The following MKLN1 variants were observed in gnomAD, a reference collection of about 807,000 sequenced individuals.
The protein encoded by MKLN1 is muskelin.
A neutral mutation model predicts 99.0 loss-of-function variants in MKLN1; 18 were observed. The ratio of observed to expected loss-of-function variants is 0.18; its 90% CI spans 0.13 to 0.27. The LOEUF (loss-of-function observed/expected upper bound fraction) is 0.27, where lower values mean the gene tolerates loss of function less well. Ranked by LOEUF, MKLN1 falls within the 10% of genes least tolerant of loss-of-function variation. MKLN1 has a pLI of 1.00. For synonymous variants in MKLN1, 288 were observed against 293.2 expected (o/e 0.98, Z 0.18); for missense variants, 621 against 875.9 (o/e 0.71, Z 3.67).
At chr7:131,361,917 A>C (rs1037024602) in intron 1 of MKLN1, among the ~76,000 whole-genome samples, 2 of 151,816 alleles carry the variant, frequency 1.3e-5, no homozygotes, top group Non-Finnish European at 1.5e-5. Flanking sequence ...TTTTTATTTC[A>C]TGTAACCAGA....
At chr7:131,447,054 G>A (rs562179834) in intron 12 of MKLN1, among the ~76,000 whole-genome samples, 4 of 152,314 alleles carry the variant, frequency 2.6e-5, no homozygotes, top group Non-Finnish European at 4.4e-5. Flanking sequence ...TATAAAAAAG[G>A]AGACATTATC....
chr7:131,480,580 C>T (rs529855595), intron 17 of MKLN1, among the ~76,000 whole-genome samples: 64 of 152,170 alleles, frequency 4.2e-4, no homozygotes, highest in Non-Finnish European at 7.5e-4. Context: ...CTGCTATAAA[C>T]GTGACTCCAG....
intron 9 of MKLN1, among the ~76,000 whole-genome samples, chr7:131,433,907 G>A (rs989641297): frequency 1.4e-5 from 2 of 144,534 alleles, no homozygotes; most frequent in Non-Finnish European, 3.0e-5. Context: ...TTTTGAGACA[G>A]AGTTTTGCTC....
At chr7:131,378,387 C>T (rs769430446) in intron 2 of MKLN1, among the ~76,000 whole-genome samples, 7 of 152,200 alleles carry the variant, frequency 4.6e-5, no homozygotes, top group Non-Finnish European at 8.8e-5. Context: ...GCTGGGCTTA[C>T]AGGCGTGAAC....
At chr7:131,469,911 T>C (rs1436511514) in intron 15 of MKLN1, among the ~76,000 whole-genome samples, 1 of 151,168 alleles carries the variant, frequency 6.6e-6, no homozygotes, top group African/African-American at 2.4e-5. Context: ...GATCTCGTTC[T>C]GTCATCCAGG....
At chr7:131,311,431 A>G (rs988774734) in intron 3 of MKLN1, among the ~76,000 whole-genome samples, 4 of 152,192 alleles carry the variant, frequency 2.6e-5, no homozygotes, top group African/African-American at 9.6e-5. Context: ...AGACACATTA[A>G]AATTTTAGGA....
chr7:131,234,771 C>G (rs142974265), intron 3 of MKLN1, among the ~76,000 whole-genome samples: 90 of 152,326 alleles, frequency 5.9e-4, no homozygotes, highest in African/African-American at 2.0e-3. Context: ...AAATACCTCT[C>G]TCTCCCAAAG....
chr7:131,200,652 C>T (rs1446236557), intron 2 of MKLN1, among the ~76,000 whole-genome samples: 1 of 152,174 alleles, frequency 6.6e-6, no homozygotes, highest in African/African-American at 2.4e-5. Flanking sequence ...AAGATAATTA[C>T]TTAATCAAAA....
chr7:131,166,855 T>G (rs1563238078), intron 2 of MKLN1, among the ~76,000 whole-genome samples: 1 of 152,026 alleles, frequency 6.6e-6, no homozygotes, highest in Non-Finnish European at 1.5e-5. Flanking sequence ...TGGGCTACTT[T>G]TTGTATTTTT....
intron 3 of MKLN1, among the ~76,000 whole-genome samples, chr7:131,321,228 A>G (rs1315378997): frequency 6.8e-6 from 1 of 146,612 alleles, no homozygotes; most frequent in African/African-American, 2.5e-5. Flanking sequence ...GCACATAAAC[A>G]CCATGGAATA....
chr7:131,153,347 C>T (rs1016768869), intron 2 of MKLN1, among the ~76,000 whole-genome samples: 3 of 152,068 alleles, frequency 2.0e-5, no homozygotes, highest in African/African-American at 7.2e-5. Flanking sequence ...AAATTATCCT[C>T]ATTGGTCTGT....
intron 1 of MKLN1, among the ~76,000 whole-genome samples, chr7:131,115,016 C>T (rs1795253911): frequency 6.6e-6 from 1 of 151,506 alleles, no homozygotes; most frequent in African/African-American, 2.4e-5. Flanking sequence ...TTGTGTTCGG[C>T]AAGAAGGAGT....
chr7:131,442,128 AT>A (rs1252070421), intron 10 of MKLN1, among the ~76,000 whole-genome samples: 1 of 152,216 alleles, frequency 6.6e-6, no homozygotes, highest in East Asian at 1.9e-4. Context: ...TTTCATCTTA[AT>A]TTATGGAAGT....
intron 15 of MKLN1, among the ~76,000 whole-genome samples, chr7:131,469,280 G>C (rs1796752138): frequency 6.6e-6 from 1 of 152,130 alleles, no homozygotes; most frequent in Non-Finnish European, 1.5e-5. Context: ...CATGGCTTCT[G>C]TTTACTGCCT....
At chr7:131,386,553 GTCTGCGTGATGT>G (rs1482087904) in intron 2 of MKLN1, among the ~76,000 whole-genome samples, 30 of 152,252 alleles carry the variant, frequency 2.0e-4, no homozygotes, top group African/African-American at 7.0e-4. Context: ...ATAGAGAACA[GTCTGCGTGATGT>G]TCTCTATTTA....
intron 3 of MKLN1, among the ~76,000 whole-genome samples, chr7:131,273,607 C>G (rs962155258): frequency 2.6e-5 from 4 of 151,416 alleles, no homozygotes; most frequent in Non-Finnish European, 5.9e-5. Flanking sequence ...GATCAGATAC[C>G]TATGGCTGAC....
At chr7:131,480,624 C>T (rs924924105) in intron 17 of MKLN1, among the ~76,000 whole-genome samples, 6 of 152,140 alleles carry the variant, frequency 3.9e-5, no homozygotes, top group Non-Finnish European at 5.9e-5. Flanking sequence ...AATGATTTAC[C>T]ACTATTCATA....
At chr7:131,341,537 G>A (rs1799407612) in intron 1 of MKLN1, among the ~76,000 whole-genome samples, 1 of 152,198 alleles carries the variant, frequency 6.6e-6, no homozygotes, top group South Asian at 2.1e-4. Context: ...TTGCTGGTAA[G>A]TATTCTGTTG....
Position 131,123,308 on chromosome 7 carries a change from C to T in MKLN1, c.-419+13101C>T, listed in dbSNP as rs749597134. ...GGAAATAATCTAGGCCTTCCTGGCC[C>T]TACAGTCTGTCTCAGCTACTCAATT... On this transcript the variant is annotated intron_variant, in intron 1 of 7. Transcript: ENST00000416992. Among the ~76,000 whole-genome samples the T allele has an allele frequency of 3.9e-5, 6 of 152,328 alleles. No individual in the cohort carries two copies. The East Asian group carries it at 1.2e-3, about 29-fold the overall frequency.
Sources: gnomAD v4.1 joint callset for allele counts (sites outside exome capture counted in the v4.1 genomes callset) on GRCh38, gnomAD v4.1.1 for gene constraint, MANE v1.5 for transcripts, NCBI Gene and HGNC (gene_info 2026-07-23, HGNC 2026-07-21) for gene names.